The following CNTN5 variants were observed in gnomAD, a reference collection of about 807,000 sequenced individuals.
The protein encoded by CNTN5 is contactin 5.
Under a neutral mutation model 129.1 loss-of-function variants are expected in CNTN5, and 77 were observed. That is an observed-to-expected ratio of 0.60 (90% CI 0.50 to 0.72). The LOEUF (loss-of-function observed/expected upper bound fraction) is 0.72, where lower values mean the gene tolerates loss of function less well. CNTN5 is among the 30% of genes least tolerant of loss of function. CNTN5 has a pLI of 0.00. For missense variants in CNTN5, 1,478 were observed against 1,328.8 expected (o/e 1.11, Z -1.75); for synonymous variants, 509 against 465.6 (o/e 1.09, Z -1.20).
chr11:100,052,495 C>T (rs1053140019), intron 9 of CNTN5, among the ~76,000 whole-genome samples: 7 of 151,576 alleles, frequency 4.6e-5, no homozygotes, highest in African/African-American at 1.7e-4. Flanking sequence ...TAGGGATAAA[C>T]TAAACAAAAT....
intron 17 of CNTN5, among the ~76,000 whole-genome samples, chr11:100,268,120 GC>G (rs1213757318): frequency 6.6e-6 from 1 of 152,114 alleles, no homozygotes; most frequent in Non-Finnish European, 1.5e-5. Context: ...ACATGGAGAA[GC>G]CTGAGAAACC....
At chr11:99,585,049 G>T (rs1184562292) in intron 3 of CNTN5, among the ~76,000 whole-genome samples, 1 of 152,178 alleles carries the variant, frequency 6.6e-6, no homozygotes, top group Non-Finnish European at 1.5e-5. Context: ...TTACCTGATT[G>T]TTAAGGATTT....
intron 2 of CNTN5, among the ~76,000 whole-genome samples, chr11:99,497,928 G>C (rs1429619873): frequency 1.3e-5 from 2 of 152,088 alleles, no homozygotes; most frequent in African/African-American, 2.4e-5. Context: ...AAATTCCAAA[G>C]TGTTCCAAAG....
At chr11:99,292,895 T>C (rs548762182) in intron 1 of CNTN5, among the ~76,000 whole-genome samples, 1 of 152,240 alleles carries the variant, frequency 6.6e-6, no homozygotes, top group Non-Finnish European at 1.5e-5. Flanking sequence ...TGGGCCTTTA[T>C]CTTTTAACTA....
chr11:99,939,496 A>G (rs1361295065), intron 7 of CNTN5, among the ~76,000 whole-genome samples: 1 of 152,160 alleles, frequency 6.6e-6, no homozygotes, highest in Non-Finnish European at 1.5e-5. Flanking sequence ...TTTATGCAGA[A>G]TCAAACAACT....
chr11:100,305,955 A>G (rs1951338284), intron 20 of CNTN5, among the ~76,000 whole-genome samples: 1 of 151,444 alleles, frequency 6.6e-6, no homozygotes, highest in South Asian at 2.1e-4. Flanking sequence ...GCTAAAAAAA[A>G]AAAAAAAAAT....
At chr11:99,626,973 A>G (rs920051048) in intron 3 of CNTN5, among the ~76,000 whole-genome samples, 1 of 152,152 alleles carries the variant, frequency 6.6e-6, no homozygotes, top group Non-Finnish European at 1.5e-5. Flanking sequence ...TAGTCAGCTC[A>G]GCCTCATTGT....
At chr11:99,507,959 A>C (rs994906639) in intron 2 of CNTN5, among the ~76,000 whole-genome samples, 1 of 152,176 alleles carries the variant, frequency 6.6e-6, no homozygotes, top group Admixed American at 6.5e-5. Flanking sequence ...TATGAAGTAA[A>C]TGTTAGTTTT....
At chr11:99,619,352 CTAAT>C (rs1191065261) in intron 3 of CNTN5, among the ~76,000 whole-genome samples, 8 of 152,182 alleles carry the variant, frequency 5.3e-5, no homozygotes, top group African/African-American at 1.9e-4. Flanking sequence ...CAATGAGCAA[CTAAT>C]TAAACATAAT....
At chr11:99,610,653 T>G (rs1274933910) in intron 3 of CNTN5, among the ~76,000 whole-genome samples, 1 of 152,148 alleles carries the variant, frequency 6.6e-6, no homozygotes, top group East Asian at 1.9e-4. Flanking sequence ...AGGGAACATG[T>G]GAAGAACATG....
At chr11:99,790,900 C>T (rs549074810) in intron 3 of CNTN5, among the ~76,000 whole-genome samples, 3 of 152,098 alleles carry the variant, frequency 2.0e-5, no homozygotes, top group Non-Finnish European at 2.9e-5. Context: ...TTGCATTTCT[C>T]TAATGACTAG....
rs199557862 is a variant in CNTN5 at position 99,956,858 on chromosome 11, C to T, written c.726C>T (p.Asp242=). The T allele has an allele frequency of 2.5e-5, 41 of 1,613,790 alleles. No individual in the cohort carries two copies. Among genetic ancestry groups the T allele is most frequent in the Non-Finnish European group, 3.3e-5 (39 of 1,179,842 alleles). Residue 242 remains aspartate, a synonymous_variant, in exon 8 of 25, where the codon GAC becomes GAT. Transcript: ENST00000524871. ...FNEFPSFVAE[D]SRRFISQETG... ...AGTTCCCTTCCTTTGTGGCGGAAGA[C>T]AGCCGGCGGTTCATCTCCCAGGAGA...
At position 99,759,652 on chromosome 11, in the gene CNTN5, G is replaced by A. The variant is rs183665078; in HGVS notation, c.56-59892G>A. 3.9e-3 allele frequency among the ~76,000 whole-genome samples: 566 copies of A among 146,496 alleles called. 4 individuals carry two copies. The highest frequency in any genetic ancestry group is 0.013 in the African/African-American group (531 of 40,426). ...GGTCAGATGACGAATGCTAGGGAGG[G>A]TGTTTGCCGGTAGTCAGACTAAGAA... is the stretch of plus-strand genomic sequence containing the variant. On this transcript the variant is annotated intron_variant, in intron 3 of 24. Transcript: ENST00000524871.
At chr11:99,711,497 T>G (rs574296390) in intron 3 of CNTN5, among the ~76,000 whole-genome samples, 1 of 152,120 alleles carries the variant, frequency 6.6e-6, no homozygotes, top group Admixed American at 6.6e-5. Context: ...TTTTTTTTAT[T>G]ATACTTTAAG....
intron 6 of CNTN5, among the ~76,000 whole-genome samples, chr11:99,899,663 C>G (rs1308106377): frequency 6.6e-6 from 1 of 152,018 alleles, no homozygotes. Context: ...TGATGTTAAT[C>G]AGAAATATTG....
At chr11:99,710,236 C>A (rs1954917812) in intron 3 of CNTN5, among the ~76,000 whole-genome samples, 3 of 151,802 alleles carry the variant, frequency 2.0e-5, no homozygotes, top group African/African-American at 7.3e-5. Context: ...CACTGCCCAG[C>A]ATCTTTACCC....
At chr11:99,049,258 G>A (rs79726691) in intron 1 of CNTN5, among the ~76,000 whole-genome samples, 892 of 152,218 alleles carry the variant, frequency 5.9e-3, no homozygotes, top group Non-Finnish European at 9.7e-3. Flanking sequence ...AGCAATTGAC[G>A]TAATTGTAGC....
chr11:99,238,217 AT>A (rs1374436846), intron 1 of CNTN5, among the ~76,000 whole-genome samples: 2 of 152,274 alleles, frequency 1.3e-5, no homozygotes, highest in Admixed American at 1.3e-4. Flanking sequence ...AATTTGTTAA[AT>A]TTTTTCCAGA....
At chr11:99,068,208 C>A (rs1865183169) in intron 1 of CNTN5, among the ~76,000 whole-genome samples, 1 of 152,108 alleles carries the variant, frequency 6.6e-6, no homozygotes, top group African/African-American at 2.4e-5. Context: ...ACAGTAGATG[C>A]CTACTTTATT....
Sources: allele counts gnomAD v4.1 joint callset (sites outside exome capture counted in the v4.1 genomes callset), GRCh38; gene constraint gnomAD v4.1.1; transcripts MANE v1.5; gene names NCBI Gene and HGNC (gene_info 2026-07-23, HGNC 2026-07-21).